Variants in CSMD3 observed in about 807,000 individuals in gnomAD.
CSMD3 encodes CUB and Sushi multiple domains 3, also known as CUB and sushi domain-containing protein 3.
A neutral mutation model predicts 435.2 loss-of-function variants in CSMD3; 177 were observed. That is an observed-to-expected ratio of 0.41 (90% CI 0.36 to 0.46). The LOEUF (loss-of-function observed/expected upper bound fraction) is 0.46. Ranked by LOEUF, CSMD3 falls within the 20% of genes least tolerant of loss-of-function variation. The pLI, the probability that CSMD3 is intolerant of heterozygous loss-of-function variation, is 0.34. For synonymous variants in CSMD3, 1,656 were observed against 1,520.5 expected (o/e 1.09, Z -2.07); for missense variants, 4,265 against 4,504.6 (o/e 0.95, Z 1.52).
intron 1 of CSMD3, among the ~76,000 whole-genome samples, chr8:113,353,816 C>T (rs914862521): frequency 6.6e-6 from 1 of 152,050 alleles, no homozygotes; most frequent in East Asian, 1.9e-4. Flanking sequence ...GAATTTTATG[C>T]TATTCTATTT....
intron 10 of CSMD3, among the ~76,000 whole-genome samples, chr8:112,919,821 T>C (rs557261483): frequency 6.6e-6 from 1 of 152,000 alleles, no homozygotes; most frequent in East Asian, 1.9e-4. Context: ...TATTATTCAT[T>C]ATTCACTTTA....
intron 1 of CSMD3, among the ~76,000 whole-genome samples, chr8:113,357,173 T>C (rs1477401323): frequency 6.6e-6 from 1 of 152,252 alleles, no homozygotes; most frequent in East Asian, 1.9e-4. Flanking sequence ...GTCACTTCTT[T>C]AGCAATGTAT....
intron 10 of CSMD3, among the ~76,000 whole-genome samples, chr8:112,870,528 G>A (rs1022789392): frequency 1.3e-5 from 2 of 151,634 alleles, no homozygotes; most frequent in African/African-American, 4.8e-5. Flanking sequence ...CACCCACCTC[G>A]GCCTCCCAAA....
chr8:113,328,966 T>A (rs1379084022), intron 1 of CSMD3, among the ~76,000 whole-genome samples: 2 of 151,386 alleles, frequency 1.3e-5, no homozygotes, highest in Non-Finnish European at 2.9e-5. Flanking sequence ...AGGCTCAAAT[T>A]CCTGGACTCA....
At chr8:113,166,803 A>T (rs1363008384) in intron 4 of CSMD3, among the ~76,000 whole-genome samples, 1 of 152,058 alleles carries the variant, frequency 6.6e-6, no homozygotes, top group Non-Finnish European at 1.5e-5. Context: ...TTCATACCTC[A>T]GTGTTATTAT....
intron 61 of CSMD3, among the ~76,000 whole-genome samples, chr8:112,261,140 A>G (rs567122443): frequency 3.5e-4 from 54 of 152,206 alleles, no homozygotes; most frequent in African/African-American, 1.3e-3. Flanking sequence ...AAATAGCCAT[A>G]TGCATGCCCA....
intron 13 of CSMD3, among the ~76,000 whole-genome samples, chr8:112,694,303 A>C (rs2076205246): frequency 6.6e-6 from 1 of 152,118 alleles, no homozygotes; most frequent in Admixed American, 6.6e-5. Flanking sequence ...AGGGGAGAAC[A>C]AAACTTGTGT....
At chr8:112,273,807 T>C (rs1227217512) in intron 59 of CSMD3, among the ~76,000 whole-genome samples, 2 of 151,838 alleles carry the variant, frequency 1.3e-5, no homozygotes, top group African/African-American at 4.8e-5. Context: ...TTGAAGTCTG[T>C]CACCAACAAT....
At chr8:112,370,730 AT>A (rs5894081) in intron 38 of CSMD3, among the ~76,000 whole-genome samples, 59,853 of 151,650 alleles carry the variant, frequency 0.39, 13,276 homozygotes, top group Middle Eastern at 0.54. Flanking sequence ...CTCTCCATCT[AT>A]TTTTTTCTAT....
chr8:112,260,899 C>G (rs1039978572), intron 61 of CSMD3, among the ~76,000 whole-genome samples: 3 of 152,098 alleles, frequency 2.0e-5, no homozygotes, highest in African/African-American at 7.2e-5. Context: ...GCCTGGACTT[C>G]TCCACTACTC....
At chr8:112,777,105 G>T (rs903185754) in intron 13 of CSMD3, among the ~76,000 whole-genome samples, 1 of 151,694 alleles carries the variant, frequency 6.6e-6, no homozygotes, top group African/African-American at 2.4e-5. Context: ...TGGAGATGCT[G>T]TGCCCAAAAA....
intron 27 of CSMD3, among the ~76,000 whole-genome samples, chr8:112,531,640 G>A (rs7839026): frequency 0.31 from 47,512 of 151,958 alleles, 7,583 homozygotes; most frequent in East Asian, 0.47. Flanking sequence ...TTGCAGTGCA[G>A]TTGGACTTAG....
chr8:112,994,711 A>T (rs1302228747), intron 6 of CSMD3, among the ~76,000 whole-genome samples: 1 of 151,508 alleles, frequency 6.6e-6, no homozygotes, highest in East Asian at 1.9e-4. Context: ...GACATCACAC[A>T]TCTTCATATT....
chr8:113,093,057 A>T (rs2090056191), intron 5 of CSMD3, among the ~76,000 whole-genome samples: 1 of 152,140 alleles, frequency 6.6e-6, no homozygotes, highest in Non-Finnish European at 1.5e-5. Flanking sequence ...TACATTTCAC[A>T]AATGTATGTA....
chr8:112,609,149 CCAAAG>C (rs1833032311), intron 22 of CSMD3, among the ~76,000 whole-genome samples: 1 of 128,538 alleles, frequency 7.8e-6, no homozygotes, highest in Non-Finnish European at 1.5e-5. Flanking sequence ...TTGCAGTGAG[CCAAAG>C]ACGCACCACT....
chr8:113,141,560 A>G (rs1193080265), intron 4 of CSMD3, among the ~76,000 whole-genome samples: 1 of 151,100 alleles, frequency 6.6e-6, no homozygotes. Flanking sequence ...CACCATATTT[A>G]CAGACTAAAT....
intron 59 of CSMD3, among the ~76,000 whole-genome samples, chr8:112,266,367 C>T (rs1816946285): frequency 6.6e-6 from 1 of 152,104 alleles, no homozygotes; most frequent in Admixed American, 6.6e-5. Context: ...GGGCCAGGGG[C>T]AACAGGTTGT....
At position 112,222,938 on chromosome 8, in the gene CSMD3, G is replaced by T. The variant is rs1183183631; in HGVS notation, c.*1833C>A. Reference sequence around the variant, plus strand: ...GGAAAAAAAAACACATTTTACAAAAGCAATTATCCATTTTTATTTTGTTTA... The same window carrying T: ...GGAAAAAAAAACACATTTTACAAAATCAATTATCCATTTTTATTTTGTTTA... On this transcript the variant is annotated 3_prime_UTR_variant, in exon 71 of 71. Coordinates refer to ENST00000297405, the MANE Select transcript of CSMD3 (RefSeq NM_198123.2). 2.5e-6 allele frequency: 1 copy of T among 393,698 alleles called. No homozygotes were observed. The highest frequency in any genetic ancestry group is 2.1e-5 in the African/African-American group (1 of 48,434). The allele number at this position is 393,698 out of a possible 1,614,324, so 24.4% of individuals were successfully genotyped here.
chr8:113,093,158 T>C (rs1351090589), intron 5 of CSMD3, among the ~76,000 whole-genome samples: 2 of 152,060 alleles, frequency 1.3e-5, no homozygotes, highest in Non-Finnish European at 2.9e-5. Flanking sequence ...TGAGCAAAGA[T>C]ATGTGTACAG....
Sources: gnomAD v4.1 joint callset for allele counts (sites outside exome capture counted in the v4.1 genomes callset) on GRCh38, gnomAD v4.1.1 for gene constraint, MANE v1.5 for transcripts, NCBI Gene and HGNC (gene_info 2026-07-23, HGNC 2026-07-21) for gene names.